ENTPD5: variants seen among roughly 807,000 people sequenced by gnomAD.
ENTPD5 encodes nucleoside diphosphate phosphatase ENTPD5.
ENTPD5 carries 49 observed loss-of-function variants against 60.2 expected under a neutral mutation model. The observed-to-expected ratio is 0.81, with a 90% CI of 0.65 to 1.03. The LOEUF (loss-of-function observed/expected upper bound fraction) is 1.03, where lower values mean the gene tolerates loss of function less well. ENTPD5 is among the 50% of genes least tolerant of loss of function. ENTPD5 has a pLI of 0.00. For missense variants in ENTPD5, 480 were observed against 507.6 expected (o/e 0.95, Z 0.52); for synonymous variants, 187 against 185.4 (o/e 1.01, Z -0.07).
At chr14:73,969,896 C>G (rs978200073) in intron 15 of ENTPD5, 114 bp downstream of exon 15, 33 of 764,850 alleles carry the variant, frequency 4.3e-5, no homozygotes, top group Non-Finnish European at 5.0e-5. Context: ...ATAGCCCAAA[C>G]AAAAATACCT....
At chr14:73,961,993 G>A, downstream of ENTPD5, 13 of 1,479,884 alleles carry the variant, frequency 8.8e-6, 1 homozygote, top group South Asian at 1.5e-4. Flanking sequence ...TATCGCCCAG[G>A]ATGGAGTGCA....
downstream of ENTPD5, among the ~76,000 whole-genome samples, chr14:73,956,949 G>T (rs2140387269): frequency 6.6e-6 from 1 of 152,212 alleles, no homozygotes; most frequent in Non-Finnish European, 1.5e-5. Context: ...TCACACTTGT[G>T]TGTGCATGTA....
downstream of ENTPD5, chr14:73,956,327 CAA>C (rs34194477): frequency 2.9e-3 from 431 of 146,306 alleles, no homozygotes; most frequent in South Asian, 6.5e-3. Context: ...GACTCCGTCT[CAA>C]AAAAAAAAAA....
intron 6 of ENTPD5, among the ~76,000 whole-genome samples, chr14:73,978,410 C>T (rs2057532995): frequency 6.6e-6 from 1 of 151,960 alleles, no homozygotes. Context: ...TCGAGACCGG[C>T]CTGGCCAACA....
chr14:73,979,014 T>A (rs1301202414), intron 6 of ENTPD5, among the ~76,000 whole-genome samples: 1 of 152,104 alleles, frequency 6.6e-6, no homozygotes. Context: ...TACCGCCTCC[T>A]TACCTCTCAT....
Position 73,974,911 on chromosome 14 carries a change from T to G in ENTPD5, c.784+13A>C, listed in dbSNP as rs1360683617. The G allele has an allele frequency of 6.2e-7, 1 of 1,610,392 alleles. No individual in the cohort carries two copies. On this transcript the variant is annotated intron_variant, in intron 11 of 15. Transcript: ENST00000334696. ...CCTCACCATCCCCCCCCAGCACAGG[T>G]ACCCAGACAAACCTTCTGTCTCCAG...
chr14:73,967,678 T>G (rs1182628591), intron 15 of ENTPD5, among the ~76,000 whole-genome samples: 2 of 151,468 alleles, frequency 1.3e-5, no homozygotes, highest in African/African-American at 2.4e-5. Flanking sequence ...CACACACCTG[T>G]AATCCCAGCT....
chr14:73,981,377 T>A (rs981360981), intron 6 of ENTPD5, among the ~76,000 whole-genome samples: 1 of 151,806 alleles, frequency 6.6e-6, no homozygotes, highest in African/African-American at 2.4e-5. Context: ...TGCATGCCTA[T>A]AATCCCAACT....
intron 3 of ENTPD5, among the ~76,000 whole-genome samples, chr14:74,005,577 GGGA>G: frequency 2.0e-5 from 3 of 152,054 alleles, no homozygotes; most frequent in Non-Finnish European, 4.4e-5. Flanking sequence ...GGAGGCTGAG[GGGA>G]GTGGATCACC....
chr14:73,970,929 G>A (rs907936071), intron 14 of ENTPD5, among the ~76,000 whole-genome samples: 2 of 151,442 alleles, frequency 1.3e-5, no homozygotes, highest in Admixed American at 6.6e-5. Flanking sequence ...GGGTTCACAC[G>A]ATCCTCCTGC....
intron 6 of ENTPD5, among the ~76,000 whole-genome samples, chr14:73,981,807 CA>C (rs56117033): frequency 0.43 from 54,073 of 124,644 alleles, 10,056 homozygotes; most frequent in Middle Eastern, 0.51. Context: ...ACTCTGTTTC[CA>C]AAAAAAAAAA....
chr14:74,015,214 T>G (rs114582139), intron 2 of ENTPD5, among the ~76,000 whole-genome samples: 4 of 152,088 alleles, frequency 2.6e-5, no homozygotes, highest in African/African-American at 7.2e-5. Flanking sequence ...TAAAGTACCA[T>G]CTGCTATAAG....
At chr14:74,006,956 GAT>G (rs2058697243) in intron 3 of ENTPD5, among the ~76,000 whole-genome samples, 1 of 152,052 alleles carries the variant, frequency 6.6e-6, no homozygotes, top group Admixed American at 6.6e-5. Flanking sequence ...TTGTTTTGAA[GAT>G]ACATATCAGT....
intron 5 of ENTPD5, among the ~76,000 whole-genome samples, chr14:73,984,923 G>C (rs966317483): frequency 1.3e-5 from 2 of 151,994 alleles, no homozygotes; most frequent in Non-Finnish European, 2.9e-5. Context: ...GACAGGCCCC[G>C]GTGTGTGATG....
chr14:73,978,850 C>T (rs2057552412), intron 6 of ENTPD5, among the ~76,000 whole-genome samples: 1 of 151,570 alleles, frequency 6.6e-6, no homozygotes, highest in Non-Finnish European at 1.5e-5. Flanking sequence ...GTGGAGGTTG[C>T]AGTGAACAGA....
intron 5 of ENTPD5, 107 bp downstream of exon 5, chr14:73,986,707 A>T (rs1263457263): frequency 1.3e-6 from 1 of 796,030 alleles, no homozygotes; most frequent in Non-Finnish European, 2.2e-6. Flanking sequence ...CTGATCTCAC[A>T]CATGATCTCA....
At chr14:73,984,823 T>C (rs1049157414) in intron 5 of ENTPD5, among the ~76,000 whole-genome samples, 4 of 152,130 alleles carry the variant, frequency 2.6e-5, no homozygotes, top group African/African-American at 4.8e-5. Flanking sequence ...TATGCATACA[T>C]GTGCCACGTT....
Position 73,973,014 on chromosome 14 carries a change from G to T in ENTPD5, c.897C>A (p.Gly299=), listed in dbSNP as rs1328304965. 6.8e-6 allele frequency: 11 copies of T among 1,614,130 alleles called. No individual in the cohort carries two copies. The South Asian group carries it at 1.1e-4, about 16-fold the overall frequency. ...QYGGNQEGEV[G]FEPCYAEVLR... ...GCACTTCGGCATAGCAGGGCTCAAA[G>T]CCCACCTCCCCTGCCAGGCAAAGGT... is the stretch of plus-strand genomic sequence containing the variant. The change falls in exon 13 of 16, where the codon GGC becomes GGA. Residue 299 remains glycine, a synonymous_variant. Coordinates refer to ENST00000334696, the MANE Select transcript of ENTPD5 (RefSeq NM_001249.5).
At chr14:73,971,283 G>A (rs960742878) in intron 14 of ENTPD5, among the ~76,000 whole-genome samples, 3 of 151,454 alleles carry the variant, frequency 2.0e-5, no homozygotes, top group African/African-American at 7.3e-5. Flanking sequence ...TCAGCCTCCC[G>A]AGTAGCTGGG....
Sources: gnomAD v4.1 joint callset for allele counts (sites outside exome capture counted in the v4.1 genomes callset) on GRCh38, gnomAD v4.1.1 for gene constraint, MANE v1.5 for transcripts, NCBI Gene and HGNC (gene_info 2026-07-23, HGNC 2026-07-21) for gene names.